SPOPL: variants seen among roughly 807,000 people sequenced by gnomAD.
SPOPL encodes the protein speckle-type POZ protein-like.
In SPOPL, 23 loss-of-function variants were observed where a neutral mutation model predicts 53.8. That is an observed-to-expected ratio of 0.43 (90% confidence interval 0.31 to 0.61). The LOEUF (loss-of-function observed/expected upper bound fraction) is 0.61. SPOPL is among the 20% of genes least tolerant of loss of function. SPOPL has a pLI of 0.12. For synonymous variants in SPOPL, 164 were observed against 149.7 expected, an observed-to-expected ratio of 1.10 and a Z score of -0.70; for missense variants, 442 against 466.9, an observed-to-expected ratio of 0.95 and a Z score of 0.49.
intron 1 of SPOPL, among the ~76,000 whole-genome samples, chr2:138,517,738 CAA>C (rs1368460433): frequency 1.2e-4 from 12 of 103,766 alleles, no homozygotes; most frequent in Admixed American, 1.1e-4. Flanking sequence ...GACTCCGTCT[CAA>C]AAAAAAAAAA....
intron 8 of SPOPL, among the ~76,000 whole-genome samples, chr2:138,561,611 A>G (rs1310682953): frequency 6.6e-6 from 1 of 152,190 alleles, no homozygotes; most frequent in African/African-American, 2.4e-5. Context: ...AAGTGTGTAT[A>G]TGGAATCTAT....
chr2:138,541,096 C>T (rs1220865769), intron 1 of SPOPL, among the ~76,000 whole-genome samples: 4 of 152,168 alleles, frequency 2.6e-5, no homozygotes, highest in Non-Finnish European at 4.4e-5. Flanking sequence ...ATGAAGCCCA[C>T]TTGTTCATCA....
At chr2:138,540,952 AG>A (rs1685058144) in intron 1 of SPOPL, among the ~76,000 whole-genome samples, 2 of 152,180 alleles carry the variant, frequency 1.3e-5, no homozygotes, top group Admixed American at 6.5e-5. Flanking sequence ...TTTAGCATGA[AG>A]GGTTGTTGAA....
intron 1 of SPOPL, among the ~76,000 whole-genome samples, chr2:138,547,849 G>A (rs908046394): frequency 1.8e-4 from 27 of 152,048 alleles, no homozygotes; most frequent in Non-Finnish European, 5.9e-5. Flanking sequence ...TAAAAGCAAT[G>A]TCTTGTTAGG....
chr2:138,515,495 G>T (rs143865379), intron 1 of SPOPL, among the ~76,000 whole-genome samples: 99 of 152,266 alleles, frequency 6.5e-4, no homozygotes, highest in African/African-American at 2.2e-3. Flanking sequence ...GTGTTTTTAT[G>T]TCTAATTTCT....
rs1481469996 is a variant in SPOPL, at chr2:138,569,110, T to C, written c.*30T>C. On this transcript the variant is annotated 3_prime_UTR_variant, in exon 11 of 11. Transcript: ENST00000280098. Reference sequence around the variant, plus strand: ...TTCCATGAACAGTTGAAAAATGGAATTGACTTTCACTCCTCCAGGTCCAGA... The same window carrying C: ...TTCCATGAACAGTTGAAAAATGGAACTGACTTTCACTCCTCCAGGTCCAGA... 4 of 1,605,192 alleles carry C rather than the reference T, an allele frequency of 2.5e-6. No homozygotes were observed. Among genetic ancestry groups the C allele is most frequent in the Non-Finnish European group, 3.4e-6 (4 of 1,175,898 alleles).
At chr2:138,523,239 C>T (rs1684594661) in intron 1 of SPOPL, among the ~76,000 whole-genome samples, 1 of 152,150 alleles carries the variant, frequency 6.6e-6, no homozygotes, top group South Asian at 2.1e-4. Flanking sequence ...AGAGCTTGTG[C>T]AGGGAAATTC....
At chr2:138,529,535 T>TGCG (rs1553469117) in intron 1 of SPOPL, among the ~76,000 whole-genome samples, 21 of 103,226 alleles carry the variant, frequency 2.0e-4, no homozygotes, top group Non-Finnish European at 3.9e-4. Context: ...TGTGTGTGTG[T>TGCG]TTGCGTGCGC....
chr2:138,551,034 G>A lies in SPOPL; in HGVS notation c.332G>A (p.Arg111Lys), dbSNP rs746850288. The A allele has an allele frequency of 3.1e-6, 5 of 1,612,874 alleles. No individual in the cohort carries two copies. The East Asian group carries it at 8.9e-5, about 29-fold the overall frequency. The change falls in exon 4 of 11, where the codon AGG becomes AAG. Residue 111 changes from arginine to lysine, a missense_variant. Coordinates refer to ENST00000280098, the MANE Select transcript of SPOPL (RefSeq NM_001001664.3). ...AAATTTTCCCTTCTGAATGCTAAAAGGGAAGAAACAAAAGCAATGGGTAAG... is the reference window on the plus strand; with the variant it reads ...AAATTTTCCCTTCTGAATGCTAAAAAGGAAGAAACAAAAGCAATGGGTAAG... ...KFKFSLLNAK[R>K]EETKAMESQR...
At chr2:138,520,203 CTAAT>C (rs1301039977) in intron 1 of SPOPL, among the ~76,000 whole-genome samples, 1 of 152,158 alleles carries the variant, frequency 6.6e-6, no homozygotes, top group East Asian at 1.9e-4. Context: ...TTATAAAAGA[CTAAT>C]TATGCATAGG....
chr2:138,508,249 C>G (rs997933855), intron 1 of SPOPL, among the ~76,000 whole-genome samples: 18 of 152,176 alleles, frequency 1.2e-4, no homozygotes, highest in African/African-American at 4.3e-4. Context: ...GTTGGCAAAA[C>G]CTTAATTGGC....
At chr2:138,551,624 G>T (rs1685315502) in intron 4 of SPOPL, among the ~76,000 whole-genome samples, 1 of 151,974 alleles carries the variant, frequency 6.6e-6, no homozygotes, top group Admixed American at 6.6e-5. Flanking sequence ...CGTTGTGTGT[G>T]GCAGGAGAAT....
intron 1 of SPOPL, among the ~76,000 whole-genome samples, chr2:138,537,864 C>T (rs1173945253): frequency 1.3e-5 from 2 of 152,124 alleles, no homozygotes; most frequent in Non-Finnish European, 1.5e-5. Flanking sequence ...TTATATTTTT[C>T]ACCAAATTTT....
chr2:138,508,166 G>A (rs918050078), intron 1 of SPOPL, among the ~76,000 whole-genome samples: 1 of 152,076 alleles, frequency 6.6e-6, no homozygotes, highest in African/African-American at 2.4e-5. Context: ...CAAATCCCTG[G>A]ACTTTTCTCT....
At chr2:138,504,216 C>A (rs977335370) in intron 1 of SPOPL, among the ~76,000 whole-genome samples, 8 of 152,164 alleles carry the variant, frequency 5.3e-5, no homozygotes, top group African/African-American at 1.7e-4. Context: ...CATTCTTGTG[C>A]CACCATGGAA....
At chr2:138,535,555 C>CTTT (rs539254466) in intron 1 of SPOPL, among the ~76,000 whole-genome samples, 5 of 86,930 alleles carry the variant, frequency 5.8e-5, no homozygotes, top group African/African-American at 1.4e-4. Flanking sequence ...ATTCTAGTAG[C>CTTT]TTTTTTTTTT....
chr2:138,535,384 A>G (rs1372047071), intron 1 of SPOPL, among the ~76,000 whole-genome samples: 1 of 152,172 alleles, frequency 6.6e-6, no homozygotes, highest in Non-Finnish European at 1.5e-5. Flanking sequence ...TAGCTGGATC[A>G]TGTGGTAATT....
At chr2:138,550,751 A>C in intron 3 of SPOPL, 147 bp downstream of exon 3, 12 of 1,403,678 alleles carry the variant, frequency 8.5e-6, no homozygotes, top group Non-Finnish European at 1.2e-5. Context: ...GTGGGGAATT[A>C]TAAAGAACTG....
At chr2:138,541,363 C>T (rs1043401371) in intron 1 of SPOPL, among the ~76,000 whole-genome samples, 4 of 152,144 alleles carry the variant, frequency 2.6e-5, no homozygotes, top group African/African-American at 7.2e-5. Context: ...GCTGTGAATC[C>T]ATCTGGTCCT....
Sources: gnomAD v4.1 joint callset for allele counts (sites outside exome capture counted in the v4.1 genomes callset) on GRCh38, gnomAD v4.1.1 for gene constraint, MANE v1.5 for transcripts, NCBI Gene and HGNC (gene_info 2026-07-23, HGNC 2026-07-21) for gene names.